RBFOX1: variants seen among roughly 807,000 people sequenced by gnomAD.
The protein encoded by RBFOX1 is RNA binding protein fox-1 homolog 1.
Under a neutral mutation model 57.7 loss-of-function variants are expected in RBFOX1, and 8 were observed. The ratio of observed to expected loss-of-function variants is 0.14; its 90% CI spans 0.08 to 0.25. RBFOX1 has a LOEUF of 0.25. Ranked by LOEUF, RBFOX1 falls within the 10% of genes least tolerant of loss-of-function variation. The probability of loss-of-function intolerance (pLI) is 1.00; values close to 1 mark genes in which losing one functional copy is unlikely to be tolerated. For missense variants in RBFOX1, 611 were observed against 548.5 expected, an observed-to-expected ratio of 1.11 and a Z score of -1.14; for synonymous variants, 326 against 222.4, an observed-to-expected ratio of 1.47 and a Z score of -4.15.
chr16:7,673,915 A>G lies in RBFOX1; in HGVS notation c.931-2859A>G, dbSNP rs190837975. On this transcript the variant is annotated intron_variant, in intron 13 of 15. Transcript: ENST00000550418. ...TCGGAAGACCAGGTTCAACATGAAC[A>G]TGGTCTGGTGACAGCAATTGAAAGT... Among the ~76,000 whole-genome samples the G allele has an allele frequency of 2.3e-3, 355 of 152,316 alleles. 1 individual carries two copies. Among genetic ancestry groups the G allele is most frequent in the African/African-American group, 8.3e-3 (345 of 41,574 alleles).
At chr16:6,691,647 G>T (rs550442241) in intron 3 of RBFOX1, among the ~76,000 whole-genome samples, 2 of 152,142 alleles carry the variant, frequency 1.3e-5, no homozygotes, top group African/African-American at 4.8e-5. Flanking sequence ...GCTTACAAAC[G>T]TAAAATGACC....
intron 1 of RBFOX1, among the ~76,000 whole-genome samples, chr16:6,141,072 C>T (rs1317832744): frequency 6.6e-6 from 1 of 152,144 alleles, no homozygotes; most frequent in African/African-American, 2.4e-5. Flanking sequence ...CCTCTTAATT[C>T]TCTGTGTCCA....
intron 4 of RBFOX1, among the ~76,000 whole-genome samples, chr16:5,941,887 T>C (rs1310286939): frequency 6.6e-6 from 1 of 151,900 alleles, no homozygotes; most frequent in East Asian, 1.9e-4. Context: ...CTGAGTCTGC[T>C]TCAGAAAAAT....
chr16:6,788,721 C>A (rs1057033138), intron 3 of RBFOX1, among the ~76,000 whole-genome samples: 1 of 150,030 alleles, frequency 6.7e-6, no homozygotes, highest in African/African-American at 2.5e-5. Flanking sequence ...GTGATCCGCC[C>A]GCCTCGGCCT....
chr16:6,942,457 C>T (rs762219961), intron 3 of RBFOX1, among the ~76,000 whole-genome samples: 1 of 152,084 alleles, frequency 6.6e-6, no homozygotes, highest in East Asian at 1.9e-4. Context: ...TTGTGCCCAG[C>T]CAGGATGAGC....
intron 3 of RBFOX1, among the ~76,000 whole-genome samples, chr16:6,804,162 C>A (rs761953714): frequency 9.9e-5 from 15 of 152,040 alleles, no homozygotes; most frequent in Non-Finnish European, 2.1e-4. Context: ...TGCCCGCCAC[C>A]ATGCCCAGCT....
intron 3 of RBFOX1, among the ~76,000 whole-genome samples, chr16:6,823,480 C>G (rs573293014): frequency 9.9e-5 from 15 of 152,202 alleles, no homozygotes; most frequent in Admixed American, 1.3e-4. Flanking sequence ...TAGTCTCAAA[C>G]TACTGGTCTC....
At chr16:7,523,966 G>A (rs1238128577) in intron 5 of RBFOX1, among the ~76,000 whole-genome samples, 2 of 152,146 alleles carry the variant, frequency 1.3e-5, no homozygotes, top group Admixed American at 1.3e-4. Context: ...AAGTGGGTCA[G>A]AACTATGGTT....
chr16:7,186,983 C>T (rs1386043060), intron 4 of RBFOX1, among the ~76,000 whole-genome samples: 1 of 117,146 alleles, frequency 8.5e-6, no homozygotes, highest in Non-Finnish European at 1.6e-5. Flanking sequence ...CATGAGGAAA[C>T]CCCACCTCCA....
intron 4 of RBFOX1, among the ~76,000 whole-genome samples, chr16:7,240,048 C>T (rs1335450915): frequency 1.3e-5 from 2 of 152,152 alleles, no homozygotes; most frequent in Non-Finnish European, 2.9e-5. Context: ...CTCACTAGAA[C>T]ATTTGTCTCC....
chr16:7,264,035 T>G (rs1357469011), intron 4 of RBFOX1, among the ~76,000 whole-genome samples: 3 of 152,084 alleles, frequency 2.0e-5, no homozygotes, highest in Non-Finnish European at 2.9e-5. Flanking sequence ...ACCAACACCC[T>G]TCAAGCTAGA....
chr16:7,327,339 T>C (rs975261064), intron 4 of RBFOX1, among the ~76,000 whole-genome samples: 3 of 152,094 alleles, frequency 2.0e-5, no homozygotes, highest in South Asian at 2.1e-4. Flanking sequence ...AAACGGAAAA[T>C]TTGTATCGGA....
chr16:7,349,277 G>A (rs1335504575), intron 4 of RBFOX1, among the ~76,000 whole-genome samples: 3 of 152,154 alleles, frequency 2.0e-5, no homozygotes, highest in African/African-American at 7.2e-5. Context: ...AACCAGACTT[G>A]CCTTGTCAGC....
At chr16:7,064,854 C>A (rs1326027798) in intron 4 of RBFOX1, among the ~76,000 whole-genome samples, 1 of 152,134 alleles carries the variant, frequency 6.6e-6, no homozygotes, top group Non-Finnish European at 1.5e-5. Flanking sequence ...AATCCTATTG[C>A]CCTTTTGAAA....
intron 1 of RBFOX1, among the ~76,000 whole-genome samples, chr16:5,338,454 G>C (rs988162433): frequency 5.3e-5 from 8 of 152,190 alleles, no homozygotes; most frequent in Non-Finnish European, 8.8e-5. Flanking sequence ...AAATGAAGAA[G>C]ATCTGGAGAG....
At chr16:5,825,152 C>G (rs1338676123) in intron 3 of RBFOX1, among the ~76,000 whole-genome samples, 1 of 152,198 alleles carries the variant, frequency 6.6e-6, no homozygotes, top group Non-Finnish European at 1.5e-5. Flanking sequence ...CCTCGTTGCC[C>G]AGGTTTAAGT....
At chr16:6,488,238 A>G (rs575219928) in intron 2 of RBFOX1, among the ~76,000 whole-genome samples, 67 of 152,252 alleles carry the variant, frequency 4.4e-4, no homozygotes, top group African/African-American at 1.5e-3. Flanking sequence ...TTTGTTGTTT[A>G]GTTGTAGTCT....
intron 4 of RBFOX1, among the ~76,000 whole-genome samples, chr16:7,408,991 C>G (rs893988738): frequency 6.6e-6 from 1 of 152,180 alleles, no homozygotes; most frequent in Admixed American, 6.5e-5. Context: ...CATCCCCGCC[C>G]GTCAATTCTT....
At chr16:5,841,712 T>C (rs1234354500) in intron 3 of RBFOX1, among the ~76,000 whole-genome samples, 1 of 152,318 alleles carries the variant, frequency 6.6e-6, no homozygotes, top group Admixed American at 6.5e-5. Context: ...CTGACTTCCA[T>C]GGCCTGTAGA....
Sources: gnomAD v4.1 joint callset for allele counts (sites outside exome capture counted in the v4.1 genomes callset) on GRCh38, gnomAD v4.1.1 for gene constraint, MANE v1.5 for transcripts, NCBI Gene and HGNC (gene_info 2026-07-23, HGNC 2026-07-21) for gene names.